Variants in SMOC1 observed in about 807,000 individuals in gnomAD.
SMOC1 encodes the protein SPARC-related modular calcium-binding protein 1.
Under a neutral mutation model 56.3 loss-of-function variants are expected in SMOC1, and 22 were observed. The observed-to-expected ratio is 0.39, with a 90% CI of 0.28 to 0.56. SMOC1 has a LOEUF of 0.56. Ranked by LOEUF, SMOC1 falls within the 20% of genes least tolerant of loss-of-function variation. SMOC1 has a pLI of 0.61. For synonymous variants in SMOC1, 193 were observed against 215.0 expected, an observed-to-expected ratio of 0.90 and a Z score of 0.89; for missense variants, 509 against 565.4, an observed-to-expected ratio of 0.90 and a Z score of 1.01.
chr14:70,018,916 G>T (rs1274450872), intron 10 of SMOC1, among the ~76,000 whole-genome samples: 1 of 152,238 alleles, frequency 6.6e-6, no homozygotes, highest in Admixed American at 6.5e-5. Context: ...CCCAACTCCA[G>T]ACGGGGCTCA....
intron 1 of SMOC1, among the ~76,000 whole-genome samples, chr14:69,940,424 G>C (rs987933378): frequency 6.6e-6 from 1 of 152,206 alleles, no homozygotes; most frequent in African/African-American, 2.4e-5. Context: ...TGAAAACTTA[G>C]AGCATATTGC....
intron 1 of SMOC1, among the ~76,000 whole-genome samples, chr14:69,919,224 C>T (rs929540515): frequency 6.6e-6 from 1 of 152,138 alleles, no homozygotes; most frequent in Non-Finnish European, 1.5e-5. Context: ...CATCAAGCAA[C>T]CCTCTCATAT....
chr14:69,924,547 C>T (rs1391407727), intron 1 of SMOC1, among the ~76,000 whole-genome samples: 1 of 151,810 alleles, frequency 6.6e-6, no homozygotes, highest in African/African-American at 2.4e-5. Flanking sequence ...AGACTCCTCA[C>T]CATGGCCTGG....
At chr14:69,946,642 A>T (rs528347366) in intron 1 of SMOC1, among the ~76,000 whole-genome samples, 1 of 152,254 alleles carries the variant, frequency 6.6e-6, no homozygotes, top group Admixed American at 6.5e-5. Context: ...CCAAATTTCC[A>T]CCAACCGTGA....
intron 1 of SMOC1, among the ~76,000 whole-genome samples, chr14:69,936,733 A>G (rs1032759543): frequency 1.3e-5 from 2 of 152,228 alleles, no homozygotes; most frequent in Admixed American, 1.3e-4. Flanking sequence ...TCATCCCTTT[A>G]AAACAGGTGT....
chr14:69,881,489 T>C (rs559598918), intron 1 of SMOC1, among the ~76,000 whole-genome samples: 4 of 152,266 alleles, frequency 2.6e-5, no homozygotes, highest in African/African-American at 9.6e-5. Flanking sequence ...AGCTAGGGAC[T>C]TGAGGGGAAA....
chr14:69,930,957 C>T (rs1459907647), intron 1 of SMOC1, among the ~76,000 whole-genome samples: 1 of 152,204 alleles, frequency 6.6e-6, no homozygotes, highest in East Asian at 1.9e-4. Context: ...CTGTCAACAC[C>T]TCATGCTTGC....
At chr14:69,932,372 C>T (rs531470927) in intron 1 of SMOC1, among the ~76,000 whole-genome samples, 16 of 152,280 alleles carry the variant, frequency 1.1e-4, no homozygotes, top group Admixed American at 4.6e-4. Context: ...TGGGGCCTTC[C>T]GGGACTTTAC....
At chr14:69,978,182 A>T in intron 5 of SMOC1, 1 of 613,366 alleles carries the variant, frequency 1.6e-6, no homozygotes. Flanking sequence ...AAGGGAGGTG[A>T]CTGAGTATAG....
chr14:70,003,702 G>A (rs1566706887), intron 7 of SMOC1, among the ~76,000 whole-genome samples: 1 of 152,190 alleles, frequency 6.6e-6, no homozygotes, highest in Non-Finnish European at 1.5e-5. Context: ...TGAAGTCAGG[G>A]TACCGAGGAC....
At chr14:69,984,934 C>T (rs1332486273) in intron 5 of SMOC1, among the ~76,000 whole-genome samples, 3 of 151,280 alleles carry the variant, frequency 2.0e-5, no homozygotes, top group South Asian at 2.1e-4. Context: ...CCCAGCTACT[C>T]GGAAGGCTGA....
chr14:69,962,648 C>T (rs1220005812), intron 3 of SMOC1, among the ~76,000 whole-genome samples: 1 of 152,066 alleles, frequency 6.6e-6, no homozygotes, highest in African/African-American at 2.4e-5. Flanking sequence ...ACCATCTTGG[C>T]TCACTGCAAC....
chr14:70,000,446 T>A (rs774242218), intron 7 of SMOC1, among the ~76,000 whole-genome samples: 9 of 152,216 alleles, frequency 5.9e-5, no homozygotes, highest in Non-Finnish European at 1.3e-4. Context: ...GCTTGCTATT[T>A]CTCAGTACTT....
chr14:70,029,070 G>C (rs1471767097), intron 11 of SMOC1, among the ~76,000 whole-genome samples: 1 of 152,226 alleles, frequency 6.6e-6, no homozygotes, highest in African/African-American at 2.4e-5. Flanking sequence ...CCAGGCTGTA[G>C]ACTGACCCAG....
intron 1 of SMOC1, among the ~76,000 whole-genome samples, chr14:69,933,097 G>C (rs59758662): frequency 0.048 from 7,323 of 152,106 alleles, 228 homozygotes; most frequent in Non-Finnish European, 0.074. Flanking sequence ...TCTCTGATCC[G>C]TTTCACCCAT....
intron 1 of SMOC1, among the ~76,000 whole-genome samples, chr14:69,939,013 A>G (rs1882443563): frequency 6.6e-6 from 1 of 152,296 alleles, no homozygotes. Flanking sequence ...CAGCTCATGA[A>G]CAGGTTCAGC....
chr14:70,001,067 C>T (rs191760252), intron 7 of SMOC1, among the ~76,000 whole-genome samples: 56 of 152,264 alleles, frequency 3.7e-4, no homozygotes, highest in African/African-American at 1.3e-3. Context: ...CAGCCTTCCC[C>T]TTAACCCAGC....
intron 10 of SMOC1, among the ~76,000 whole-genome samples, chr14:70,021,952 T>G (rs1459597089): frequency 6.6e-6 from 1 of 152,204 alleles, no homozygotes. Context: ...AGGATCCCTC[T>G]GGAACAGTGA....
At chr14:69,946,420 C>T (rs112513602) in intron 1 of SMOC1, among the ~76,000 whole-genome samples, 5 of 152,118 alleles carry the variant, frequency 3.3e-5, no homozygotes, top group Admixed American at 6.5e-5. Context: ...GTAGGAGAGA[C>T]GACTGCAGAT....
Sources: gnomAD v4.1 joint callset for allele counts (sites outside exome capture counted in the v4.1 genomes callset) on GRCh38, gnomAD v4.1.1 for gene constraint, MANE v1.5 for transcripts, NCBI Gene and HGNC (gene_info 2026-07-23, HGNC 2026-07-21) for gene names.